RNF212B: variants seen among roughly 807,000 people sequenced by gnomAD.
RNF212B encodes E3 ubiquitin-protein ligase RNF212B.
A neutral mutation model predicts 55.5 loss-of-function variants in RNF212B; 52 were observed. The observed-to-expected ratio is 0.94, with a 90% confidence interval of 0.75 to 1.18. The LOEUF (loss-of-function observed/expected upper bound fraction) is 1.18, where lower values mean the gene tolerates loss of function less well. RNF212B is among the 50% of genes most tolerant of loss of function. The pLI is 0.00. For synonymous variants in RNF212B, 99 were observed against 121.4 expected (o/e 0.82, Z 1.21); for missense variants, 289 against 350.4 (o/e 0.82, Z 1.40).
chr14:23,258,696 T>C, intron 5 of RNF212B, 32 bp downstream of exon 5: 4 of 270,322 alleles, frequency 1.5e-5, no homozygotes, highest in Non-Finnish European at 1.5e-5. Flanking sequence ...AAGAGAGCTT[T>C]TTTTTTTTTT....
chr14:23,252,061 G>A (rs1651058080), intron 4 of RNF212B, among the ~76,000 whole-genome samples: 1 of 147,312 alleles, frequency 6.8e-6, no homozygotes, highest in South Asian at 2.2e-4. Flanking sequence ...TCAATCTCTA[G>A]CCCCTTTTCC....
chr14:23,220,920 G>A (rs1266691774), intron 2 of RNF212B, among the ~76,000 whole-genome samples: 1 of 151,908 alleles, frequency 6.6e-6, no homozygotes, highest in Non-Finnish European at 1.5e-5. Flanking sequence ...AAAAGGAAGA[G>A]AGGAAGGAAG....
chr14:23,232,435 G>T (rs1297864177), intron 2 of RNF212B, among the ~76,000 whole-genome samples: 2 of 147,298 alleles, frequency 1.4e-5, no homozygotes, highest in Non-Finnish European at 3.0e-5. Context: ...AGTGAGGAGC[G>T]CCTCCGCCCG....
intron 1 of RNF212B, among the ~76,000 whole-genome samples, chr14:23,187,074 G>A (rs1161945411): frequency 1.3e-5 from 2 of 152,106 alleles, no homozygotes; most frequent in African/African-American, 4.8e-5. Context: ...TCCTCAGTGT[G>A]GCCATATCCC....
At chr14:23,210,442 T>C (rs748227569) in intron 2 of RNF212B, among the ~76,000 whole-genome samples, 4 of 152,180 alleles carry the variant, frequency 2.6e-5, no homozygotes, top group Admixed American at 1.3e-4. Flanking sequence ...TTAATTATAA[T>C]GTGCCAATGT....
In RNF212B at chr14:23,240,366, C is replaced by T. The variant is rs1453401198; in HGVS notation, c.21C>T (p.Asn7=). The T allele has an allele frequency of 6.5e-7, 1 of 1,550,070 alleles. No individual in the cohort carries two copies. The highest frequency in any genetic ancestry group is 8.7e-7 in the Non-Finnish European group (1 of 1,146,596). MDWFHC[N]QCFRKDGAHF... is the part of the protein sequence containing the mutation. ...CCAGAATGGATTGGTTTCATTGCAA[C>T]CAGTGCTTCCGAAAAGATGGGGCCC... The change falls in exon 2 of 15, where the codon AAC becomes AAT. Residue 7 remains asparagine, a synonymous_variant. Coordinates refer to ENST00000430154, the MANE Select transcript of RNF212B (RefSeq NM_001282322.3).
chr14:23,193,313 G>A (rs1878306366), intron 1 of RNF212B: 1 of 152,148 alleles, frequency 6.6e-6, no homozygotes. Context: ...CCTCTCTTGT[G>A]TTCTTTTTCA....
chr14:23,252,091 T>TGG (rs59611077), intron 4 of RNF212B, among the ~76,000 whole-genome samples: 8 of 143,012 alleles, frequency 5.6e-5, no homozygotes, highest in Non-Finnish European at 7.7e-5. Context: ...TGTCAGGGGT[T>TGG]GGGGGGCGTG....
In RNF212B at chr14:23,229,261, T is replaced by TATAC. The variant is rs558232357; in HGVS notation, c.-1-11083_-1-11082insTACA. Among the ~76,000 whole-genome samples the TATAC allele has an allele frequency of 2.6e-3, 330 of 127,148 alleles. 2 individuals are homozygous for TATAC. The highest frequency in any genetic ancestry group is 5.5e-3 in the South Asian group (22 of 4,008). 83.4% of individuals were successfully genotyped at this position (127,148 alleles called of 152,430 possible). A position where few individuals can be genotyped will look rare whatever the true frequency, so the allele number is the denominator to read the frequency against. ...ATATATATATATATATATATATATA[T>TATAC]ACCACATTGTTTATCCATTCATCTA... On this transcript the variant is annotated intron_variant, in intron 2 of 15. Transcript: ENST00000399910.
rs565555926 is a variant in RNF212B at position 23,209,004 on chromosome 14, C to T, written c.-2+15603C>T. On this transcript the variant is annotated intron_variant, in intron 2 of 15. Transcript: ENST00000399910. ...CGATCTCCTGACCTCGTGATCCGCC[C>T]GCCTTGGCCTCCCAGAGTGCTGGGA... Among the ~76,000 whole-genome samples, 484 of 152,146 alleles carry T rather than the reference C, an allele frequency of 3.2e-3. 2 individuals carry two copies. Among genetic ancestry groups the T allele is most frequent in the African/African-American group, 0.011 (457 of 41,496 alleles).
At chr14:23,240,123 A>G (rs1052125755) in intron 1 of RNF212B, among the ~76,000 whole-genome samples, 5 of 151,920 alleles carry the variant, frequency 3.3e-5, no homozygotes, top group African/African-American at 1.2e-4. Flanking sequence ...ACACATTTAT[A>G]TATAAAATGT....
At chr14:23,233,741 C>CAA (rs761783082), upstream of RNF212B, among the ~76,000 whole-genome samples, 513 of 77,446 alleles carry the variant, frequency 6.6e-3, 7 homozygotes, top group African/African-American at 0.023. Context: ...GACCCTGTCT[C>CAA]AAAAAAAAAA....
chr14:23,237,421 C>T (rs1283917454), upstream of RNF212B, among the ~76,000 whole-genome samples: 1 of 152,152 alleles, frequency 6.6e-6, no homozygotes, highest in Non-Finnish European at 1.5e-5. Flanking sequence ...TGAGCCACCG[C>T]CCCTGGCCAA....
At chr14:23,270,287 A>T (rs1197381389) in intron 13 of RNF212B, among the ~76,000 whole-genome samples, 1 of 152,160 alleles carries the variant, frequency 6.6e-6, no homozygotes, top group Non-Finnish European at 1.5e-5. Flanking sequence ...GCCAATATCC[A>T]TTCTTCTCCC....
At chr14:23,237,794 G>A (rs1267913143), upstream of RNF212B, among the ~76,000 whole-genome samples, 1 of 152,002 alleles carries the variant, frequency 6.6e-6, no homozygotes, top group East Asian at 1.9e-4. Context: ...CCCCTCTCCC[G>A]CCACCGCGAG....
intron 2 of RNF212B, among the ~76,000 whole-genome samples, chr14:23,217,354 T>C (rs1416299597): frequency 6.6e-6 from 1 of 152,166 alleles, no homozygotes; most frequent in Non-Finnish European, 1.5e-5. Context: ...GGACATCAGC[T>C]AAACTGCTAA....
Position 23,232,584 on chromosome 14 carries a change from C to T in RNF212B, c.-1-7761C>T, listed in dbSNP as rs1360142021. On this transcript the variant is annotated intron_variant, in intron 2 of 15. Coordinates refer to the RNF212B transcript ENST00000399910. ...GCCCCCGCCCAGCAGCCACCCCGTC[C>T]GGGAGGGAGTTGGGGGGTCAGCCCC... Among the ~76,000 whole-genome samples, 10 of 150,994 alleles carry T rather than the reference C, an allele frequency of 6.6e-5. 1 individual carries two copies. The highest frequency in any genetic ancestry group is 1.2e-4 in the African/African-American group (5 of 41,128).
chr14:23,258,068 G>T (rs72684381), intron 4 of RNF212B, among the ~76,000 whole-genome samples: 25,529 of 152,176 alleles, frequency 0.17, 2,484 homozygotes, highest in South Asian at 0.25. Context: ...GCCGGGTGCG[G>T]TGGCTCACGC....
At chr14:23,241,899 G>A (rs373463189) in intron 2 of RNF212B, among the ~76,000 whole-genome samples, 12 of 150,964 alleles carry the variant, frequency 7.9e-5, no homozygotes, top group East Asian at 6.0e-4. Context: ...CTGCTAACAC[G>A]GTGAAACCCC....
Sources: allele counts gnomAD v4.1 joint callset (sites outside exome capture counted in the v4.1 genomes callset), GRCh38; gene constraint gnomAD v4.1.1; transcripts MANE v1.5; gene names NCBI Gene and HGNC (gene_info 2026-07-23, HGNC 2026-07-21).